PNPLA7: variants seen among roughly 807,000 people sequenced by gnomAD.
PNPLA7 encodes the protein patatin-like phospholipase domain-containing protein 7.
A neutral mutation model predicts 161.7 loss-of-function variants in PNPLA7; 153 were observed. The observed-to-expected ratio is 0.95, with a 90% CI of 0.83 to 1.08. The LOEUF is 1.08. PNPLA7 is among the 50% of genes least tolerant of loss of function. The probability of loss-of-function intolerance (pLI) is 0.00; values close to 1 mark genes in which losing one functional copy is unlikely to be tolerated. For synonymous variants in PNPLA7, 809 were observed against 782.1 expected (o/e 1.03, Z -0.57); for missense variants, 1,739 against 1,856.6 (o/e 0.94, Z 1.16).
At chr9:137,512,150 A>G (rs1312760828) in intron 12 of PNPLA7, among the ~76,000 whole-genome samples, 2 of 152,206 alleles carry the variant, frequency 1.3e-5, no homozygotes, top group Non-Finnish European at 2.9e-5. Flanking sequence ...GAAAACTCAC[A>G]AGGCCCTGTA....
At chr9:137,477,481 C>T (rs868310416) in intron 25 of PNPLA7, among the ~76,000 whole-genome samples, 2 of 152,076 alleles carry the variant, frequency 1.3e-5, no homozygotes, top group Middle Eastern at 3.4e-3. Flanking sequence ...GACAGAGTCT[C>T]GCTCTGTCGC....
Position 137,461,606 on chromosome 9 carries a change from GGGACA to G in PNPLA7, c.3766_3770del (p.Cys1256GlnfsTer15), listed in dbSNP as rs753621869. 1.2e-6 allele frequency: 2 copies of G among 1,612,424 alleles called. No homozygotes were observed. Among genetic ancestry groups the G allele is most frequent in the South Asian group, 2.2e-5 (2 of 90,940 alleles). The stretch of plus-strand genomic sequence containing the variant: ...CGGCAAGGTCCGTGAAGGAGGCGTT[GGGACA>G]GGTGAGGACCTAGGGGTGGGGTGAG... On this transcript the variant is annotated frameshift_variant, in exon 33 of 35. Transcript: ENST00000406427. LOFTEE classifies it high-confidence loss of function.
chr9:137,549,342 C>T (rs1029801345), intron 1 of PNPLA7, among the ~76,000 whole-genome samples: 10 of 152,104 alleles, frequency 6.6e-5, no homozygotes, highest in South Asian at 2.1e-4. Flanking sequence ...CCAAGGCGGG[C>T]GGATCACGAG....
intron 12 of PNPLA7, 49 bp downstream of exon 12, chr9:137,515,330 C>A: frequency 3.2e-6 from 5 of 1,576,172 alleles, no homozygotes; most frequent in South Asian, 1.2e-5. Context: ...GTCTCAGATG[C>A]CGAGGGCCTG....
intron 23 of PNPLA7, among the ~76,000 whole-genome samples, 154 bp downstream of exon 23, chr9:137,480,158 G>A (rs922844473): frequency 1.3e-5 from 2 of 152,358 alleles, no homozygotes; most frequent in Admixed American, 6.5e-5. Flanking sequence ...ATACAGCACC[G>A]TGTTTTTAAA....
At chr9:137,513,544 G>C (rs913522587) in intron 12 of PNPLA7, among the ~76,000 whole-genome samples, 19 of 151,740 alleles carry the variant, frequency 1.3e-4, no homozygotes, top group Non-Finnish European at 4.4e-5. Context: ...TATGACTCAG[G>C]AATAAGGAAA....
At chr9:137,463,354 G>A (rs1831307533) in intron 29 of PNPLA7, 61 bp downstream of exon 29, 20 of 1,429,064 alleles carry the variant, frequency 1.4e-5, no homozygotes, top group East Asian at 1.2e-4. Context: ...GGCAGGGGCC[G>A]TGGGGCGGCG....
At chr9:137,482,034 C>A (rs190401727) in intron 21 of PNPLA7, among the ~76,000 whole-genome samples, 4 of 152,246 alleles carry the variant, frequency 2.6e-5, no homozygotes, top group African/African-American at 9.6e-5. Context: ...CCTCTTACAA[C>A]TGAACTAGAA....
chr9:137,509,718 G>C, intron 12 of PNPLA7: 1 of 455,910 alleles, frequency 2.2e-6, no homozygotes, highest in African/African-American at 2.0e-5. Flanking sequence ...CACAGGCATG[G>C]AGCAGCCACA....
intron 8 of PNPLA7, among the ~76,000 whole-genome samples, chr9:137,532,640 A>C (rs1804023273): frequency 6.6e-6 from 1 of 152,190 alleles, no homozygotes; most frequent in South Asian, 2.1e-4. Flanking sequence ...AGGAAAGCTG[A>C]CACTTGGTTT....
chr9:137,508,540 C>T (rs1834039649), intron 12 of PNPLA7, among the ~76,000 whole-genome samples: 1 of 151,316 alleles, frequency 6.6e-6, no homozygotes, highest in South Asian at 2.1e-4. Context: ...GCATTCCAGC[C>T]TGGGCAACAA....
chr9:137,473,783 T>A (rs932650870), intron 25 of PNPLA7, among the ~76,000 whole-genome samples: 2 of 152,034 alleles, frequency 1.3e-5, no homozygotes, highest in Admixed American at 6.5e-5. Flanking sequence ...TGGGCAAAAT[T>A]TAAAATACTG....
Position 137,462,086 on chromosome 9 carries a change from C to T in PNPLA7, c.3646-45G>A, listed in dbSNP as rs776394141. On this transcript the variant is annotated intron_variant, in intron 31 of 34. Transcript: ENST00000406427. ...CCCGTCAGGAGGTGTGGGGAGCCCCCCACTTCCTGTGTTCTCAAAAGGGGG... is the reference window on the plus strand; with the variant it reads ...CCCGTCAGGAGGTGTGGGGAGCCCCTCACTTCCTGTGTTCTCAAAAGGGGG... 3 of 1,527,422 alleles carry T rather than the reference C, an allele frequency of 2.0e-6. No individual in the cohort carries two copies. Among genetic ancestry groups the T allele is most frequent in the African/African-American group, 1.4e-5 (1 of 72,652 alleles). The allele number at this position is 1,527,422 out of a possible 1,614,324, so 94.6% of individuals were successfully genotyped here. A position where few individuals can be genotyped will look rare whatever the true frequency, so the allele number is the denominator to read the frequency against.
chr9:137,460,415 C>A lies in PNPLA7; in HGVS notation c.4007G>T (p.Gly1336Val). Residue 1336 changes from glycine to valine, a missense_variant, in exon 35 of 35, where the codon GGC (glycine) becomes GTC (valine). By Grantham distance (109) the Gly-to-Val change is moderately radical. This residue lies in a region of PNPLA7 where 703 missense variants were observed against 694.6 expected (regional missense o/e 1.01). Transcript: ENST00000406427. ...PSLAFPKLSE[G>V]SSDQDG ...CCTCTACCCGTCCTGGTCAGAGGAG[C>A]CCTCAGACAGTTTTGGGAAAGCCAG... 1 of 1,612,626 alleles carries A rather than the reference C, an allele frequency of 6.2e-7. No individual in the cohort carries two copies. Among genetic ancestry groups the A allele is most frequent in the South Asian group, 1.1e-5 (1 of 91,074 alleles).
chr9:137,491,886 A>C (rs1039565123), intron 20 of PNPLA7: 7 of 985,316 alleles, frequency 7.1e-6, no homozygotes, highest in African/African-American at 1.7e-5. Flanking sequence ...AAGGAAGCGG[A>C]AAGGGAGCTG....
intron 30 of PNPLA7, 175 bp from the exon 31 acceptor site, chr9:137,462,506 C>T: frequency 7.2e-7 from 1 of 1,383,010 alleles, no homozygotes; most frequent in Admixed American, 2.7e-5. Flanking sequence ...AGCCTTCAGG[C>T]CCGTCCGGCC....
At position 137,502,792 on chromosome 9, in the gene PNPLA7, G is replaced by A. The variant is rs1020508200; in HGVS notation, c.1474-1065C>T. ...CATGGACGAGGCCGCTGGACAGGGGGGCACTGAACGCACGGCTGAAGTCAT... is the reference window on the plus strand; with the variant it reads ...CATGGACGAGGCCGCTGGACAGGGGAGCACTGAACGCACGGCTGAAGTCAT... On this transcript the variant is annotated intron_variant, in intron 14 of 34. Coordinates refer to ENST00000406427, the MANE Select transcript of PNPLA7 (RefSeq NM_001098537.3). Among the ~76,000 whole-genome samples, 7 of 145,548 alleles carry A rather than the reference G, an allele frequency of 4.8e-5. 1 individual carries two copies. The South Asian group carries it at 6.6e-4, about 14-fold the overall frequency.
At position 137,540,554 on chromosome 9, in the gene PNPLA7, C is replaced by A. The variant is rs1426266274; in HGVS notation, c.747+88G>T. ...TCACTGTGGAGAACTGGCCTTTAACCACTACCAGCTGTCCAGACAAGACAG... is the reference window on the plus strand; with the variant it reads ...TCACTGTGGAGAACTGGCCTTTAACAACTACCAGCTGTCCAGACAAGACAG... On this transcript the variant is annotated intron_variant, in intron 8 of 34. Transcript: ENST00000406427. The surrounding 1 kb of genome is among the most constrained non-coding windows in gnomAD (Gnocchi z 5.1). 1.5e-5 allele frequency: 18 copies of A among 1,215,866 alleles called. No homozygotes were observed. The highest frequency in any genetic ancestry group is 2.1e-5 in the Non-Finnish European group (18 of 855,522). 75.3% of individuals were successfully genotyped at this position (1,215,866 alleles called of 1,614,324 possible).
chr9:137,469,468 T>G (rs947465891), intron 25 of PNPLA7, among the ~76,000 whole-genome samples: 1 of 151,722 alleles, frequency 6.6e-6, no homozygotes, highest in African/African-American at 2.4e-5. Context: ...CTAACATAAA[T>G]CAAAAGAAAA....
Sources: gnomAD v4.1 joint callset for allele counts (sites outside exome capture counted in the v4.1 genomes callset) on GRCh38, gnomAD v4.1.1 for gene constraint, gnomAD v4.1.1 regional missense constraint, Gnocchi (gnomAD v3.1) non-coding constraint, MANE v1.5 for transcripts, NCBI Gene and HGNC (gene_info 2026-07-23, HGNC 2026-07-21) for gene names.